The following RIN3 variants were observed in gnomAD, a reference collection of about 807,000 sequenced individuals.
The protein encoded by RIN3 is Ras and Rab interactor 3.
In RIN3, 54 loss-of-function variants were observed where a neutral mutation model predicts 76.3. That is an observed-to-expected ratio of 0.71 (90% confidence interval 0.57 to 0.89). The LOEUF is 0.89. Among genes scored for constraint, RIN3 ranks in the 40% least tolerant of loss-of-function variants. RIN3 has a pLI of 0.00. For synonymous variants in RIN3, 576 were observed against 564.0 expected (o/e 1.02, Z -0.30); for missense variants, 1,256 against 1,322.1 (o/e 0.95, Z 0.78).
At position 92,555,906 on chromosome 14, in the gene RIN3, G is replaced by A. The variant is rs772447105; in HGVS notation, c.200G>A (p.Ser67Asn). 1.7e-5 allele frequency: 27 copies of A among 1,613,866 alleles called. No individual in the cohort carries two copies. Among genetic ancestry groups the A allele is most frequent in the Non-Finnish European group, 2.3e-5 (27 of 1,180,026 alleles). Residue 67 changes from serine (S) to asparagine (N), a missense_variant, in exon 2 of 10, where the codon AGT becomes AAT. Physicochemically the swap from Ser to Asn is conservative, Grantham distance 46. Around this residue, in one of 3 missense-constraint regions of RIN3, gnomAD observed 610 missense variants for 626.4 expected, o/e 0.97. Transcript: ENST00000216487. ...IKTCPVWLQLSLGQAEVARIL... is the reference protein window; with the variant it reads ...IKTCPVWLQLNLGQAEVARIL... ...ACATGCCCGGTGTGGCTGCAGCTGA[G>A]TCTGGGCCAGGCAGAGGTGGCCAGG...
At chr14:92,570,659 CAAAA>C (rs11393617) in intron 2 of RIN3, among the ~76,000 whole-genome samples, 1 of 144,928 alleles carries the variant, frequency 6.9e-6, no homozygotes, top group Non-Finnish European at 1.5e-5. Flanking sequence ...GAGACTGTCT[CAAAA>C]AAAAAAAAAG....
intron 4 of RIN3, among the ~76,000 whole-genome samples, chr14:92,637,439 T>C (rs1197625185): frequency 6.6e-6 from 1 of 152,138 alleles, no homozygotes; most frequent in Admixed American, 6.5e-5. Flanking sequence ...GATGAAGCTT[T>C]GCTCACTCGC....
At chr14:92,544,952 G>A (rs1393645953) in intron 1 of RIN3, among the ~76,000 whole-genome samples, 1 of 152,016 alleles carries the variant, frequency 6.6e-6, no homozygotes, top group Non-Finnish European at 1.5e-5. Flanking sequence ...GTGTGTGCAT[G>A]TATCCACAAA....
At chr14:92,548,556 A>G (rs1463854918) in intron 1 of RIN3, among the ~76,000 whole-genome samples, 1 of 152,168 alleles carries the variant, frequency 6.6e-6, no homozygotes, top group Non-Finnish European at 1.5e-5. Flanking sequence ...GGAGGCTCTA[A>G]GGGAGGATCC....
intron 1 of RIN3, among the ~76,000 whole-genome samples, chr14:92,540,967 C>T (rs1260857091): frequency 4.6e-5 from 7 of 152,238 alleles, no homozygotes; most frequent in Admixed American, 6.5e-5. Flanking sequence ...TTCTTTCAGT[C>T]GAGCCTTCAA....
chr14:92,667,106 G>A (rs1888132560), intron 7 of RIN3, among the ~76,000 whole-genome samples: 1 of 152,098 alleles, frequency 6.6e-6, no homozygotes. Context: ...GATGGGAGGG[G>A]GGCTCTTGAT....
At position 92,537,634 on chromosome 14, in the gene RIN3, C is replaced by CTTTTTTTTTTT. The variant is rs576683908; in HGVS notation, c.45-18100_45-18090dup. On this transcript the variant is annotated intron_variant, in intron 1 of 9. Transcript: ENST00000216487. ...CAGCTATAAGTGAGTGCCTTAGGGA[C>CTTTTTTTTTTT]TTTTTTTTTTTTTTTTTTTTTTTTT... 8.1e-4 allele frequency among the ~76,000 whole-genome samples: 42 copies of CTTTTTTTTTTT among 51,640 alleles called. 4 individuals are homozygous for CTTTTTTTTTTT. Among genetic ancestry groups the CTTTTTTTTTTT allele is most frequent in the African/African-American group, 1.0e-3 (13 of 12,822 alleles). The allele number at this position is 51,640 out of a possible 152,430, so 33.9% of individuals were successfully genotyped here.
At chr14:92,642,230 G>A (rs1055656993) in intron 5 of RIN3, among the ~76,000 whole-genome samples, 4 of 151,938 alleles carry the variant, frequency 2.6e-5, no homozygotes, top group African/African-American at 9.7e-5. Context: ...CACCTCCTGA[G>A]TAGCTGGGAC....
chr14:92,537,614 A>G (rs971504875), intron 1 of RIN3, among the ~76,000 whole-genome samples: 10 of 142,686 alleles, frequency 7.0e-5, no homozygotes, highest in Non-Finnish European at 1.2e-4. Context: ...TCCACCAGCT[A>G]TAAGTGAGTG....
At chr14:92,538,478 A>G (rs1016832261) in intron 1 of RIN3, among the ~76,000 whole-genome samples, 8 of 152,196 alleles carry the variant, frequency 5.3e-5, no homozygotes, top group African/African-American at 1.9e-4. Flanking sequence ...TGGGCCAGAC[A>G]CTGGAACACA....
In RIN3 at chr14:92,681,679, GGAC is replaced by G. The variant is rs1339924460; in HGVS notation, c.2468-3304_2468-3302del. Among the ~76,000 whole-genome samples, 2 of 152,124 alleles carry G rather than the reference GGAC, an allele frequency of 1.3e-5. No individual in the cohort carries two copies. The highest frequency in any genetic ancestry group is 4.8e-5 in the African/African-American group (2 of 41,420). On this transcript the variant is annotated intron_variant, in intron 8 of 9. Transcript: ENST00000216487. This position sits in a 1 kb window ranked among gnomAD's most constrained non-coding sequence, Gnocchi z 4.7. ...GAAGACATAAGCCAGACAGGAAACA[GGAC>G]GACTGAGGGATGCCAGGTAGAGGAC...
chr14:92,688,083 G>A lies in RIN3; in HGVS notation c.2789G>A (p.Arg930His), dbSNP rs753724464. Residue 930 changes from arginine (R) to histidine (H), a missense_variant, in exon 10 of 10, where the codon CGC becomes CAC. Physicochemically the swap from Arg to His is conservative, Grantham distance 29 (BLOSUM62 0). This residue lies in a region of RIN3 where 218 missense variants were observed against 174.5 expected (regional missense o/e 1.25). Transcript: ENST00000216487. ...CGGCTGTTCGTGCTGGTGGACGGGC[G>A]CTGCTTCCAGCTGGCGGACGACGCG... ...AHRLFVLVDG[R>H]CFQLADDALP... 1.2e-6 allele frequency: 2 copies of A among 1,606,140 alleles called. No homozygotes were observed. The highest frequency in any genetic ancestry group is 1.7e-6 in the Non-Finnish European group (2 of 1,177,364).
intron 1 of RIN3, among the ~76,000 whole-genome samples, chr14:92,547,746 C>G (rs1384966392): frequency 2.0e-5 from 3 of 152,008 alleles, no homozygotes; most frequent in African/African-American, 7.3e-5. Flanking sequence ...CTGTGTCACC[C>G]AGGCTGGAGT....
At chr14:92,668,420 T>A (rs1888182399) in intron 7 of RIN3, among the ~76,000 whole-genome samples, 1 of 152,176 alleles carries the variant, frequency 6.6e-6, no homozygotes, top group African/African-American at 2.4e-5. Context: ...CCACAGCCTG[T>A]GTAGCTGACT....
chr14:92,679,623 G>C (rs1364553331), intron 8 of RIN3, among the ~76,000 whole-genome samples: 1 of 152,120 alleles, frequency 6.6e-6, no homozygotes, highest in East Asian at 1.9e-4. Flanking sequence ...AGTTTCTCTG[G>C]CTTAGCCCTC....
intron 2 of RIN3, among the ~76,000 whole-genome samples, chr14:92,561,913 T>C (rs891958942): frequency 6.6e-6 from 1 of 152,164 alleles, no homozygotes; most frequent in Admixed American, 6.6e-5. Flanking sequence ...CTTGAGCTCC[T>C]GGGCTCAAGC....
At chr14:92,666,762 AG>A (rs1172481367) in intron 7 of RIN3, among the ~76,000 whole-genome samples, 1 of 152,166 alleles carries the variant, frequency 6.6e-6, no homozygotes, top group African/African-American at 2.4e-5. Context: ...TCAAGATGGG[AG>A]GGGGAGAAAG....
intron 7 of RIN3, among the ~76,000 whole-genome samples, chr14:92,665,418 G>T (rs373924994): frequency 5.1e-5 from 6 of 116,764 alleles, no homozygotes; most frequent in Non-Finnish European, 9.7e-5. Context: ...TCGCTCTATC[G>T]CCCAGGCTGG....
rs556111827 is a variant in RIN3 at position 92,683,420 on chromosome 14, T to C, written c.2468-1567T>C. 1.2e-3 allele frequency among the ~76,000 whole-genome samples: 180 copies of C among 152,334 alleles called. 1 individual carries two copies. The South Asian group carries it at 0.014, about 12-fold the overall frequency. Reference sequence around the variant, plus strand: ...TGAGGAGCTTACCAAAGTTAGTATTTCTCAAACCTTTTAACCAAAGTCCCA... The same window carrying C: ...TGAGGAGCTTACCAAAGTTAGTATTCCTCAAACCTTTTAACCAAAGTCCCA... On this transcript the variant is annotated intron_variant, in intron 8 of 9. Coordinates refer to ENST00000216487, the MANE Select transcript of RIN3 (RefSeq NM_024832.5).
Sources: allele counts gnomAD v4.1 joint callset (sites outside exome capture counted in the v4.1 genomes callset), GRCh38; gene constraint gnomAD v4.1.1; regional missense constraint gnomAD v4.1.1; non-coding constraint Gnocchi (gnomAD v3.1); transcripts MANE v1.5; gene names NCBI Gene and HGNC (gene_info 2026-07-23, HGNC 2026-07-21).